The following SLC22A15 variants were observed in gnomAD, a reference collection of about 807,000 sequenced individuals.
SLC22A15 encodes the protein flipt 1.
In SLC22A15, 45 loss-of-function variants were observed where a neutral mutation model predicts 62.7. That is an observed-to-expected ratio of 0.72 (90% confidence interval 0.56 to 0.92). The LOEUF (loss-of-function observed/expected upper bound fraction) is 0.92. Among genes scored for constraint, SLC22A15 ranks in the 40% least tolerant of loss-of-function variants. The pLI, the probability that SLC22A15 is intolerant of heterozygous loss-of-function variation, is 0.00. For synonymous variants in SLC22A15, 264 were observed against 267.0 expected (o/e 0.99, Z 0.11); for missense variants, 622 against 665.6 (o/e 0.93, Z 0.72).
chr1:115,998,724 A>C (rs892425775), intron 2 of SLC22A15, among the ~76,000 whole-genome samples: 43 of 152,160 alleles, frequency 2.8e-4, no homozygotes, highest in Admixed American at 1.2e-3. Flanking sequence ...ATCTTTTCAA[A>C]AAAACAACTT....
intron 1 of SLC22A15, among the ~76,000 whole-genome samples, chr1:115,991,453 CTTA>C (rs1241432469): frequency 2.0e-5 from 3 of 152,158 alleles, no homozygotes; most frequent in Admixed American, 6.5e-5. Context: ...TTCTTAAAAT[CTTA>C]TTATGAACTG....
chr1:116,035,003 T>G (rs553872082), intron 6 of SLC22A15, among the ~76,000 whole-genome samples, 184 bp from the exon 7 acceptor site: 2 of 152,204 alleles, frequency 1.3e-5, no homozygotes, highest in Non-Finnish European at 2.9e-5. Context: ...AATTTTTTTG[T>G]TTTTTCCTAG....
intron 2 of SLC22A15, among the ~76,000 whole-genome samples, chr1:116,007,569 TTATA>T (rs958596613): frequency 2.6e-5 from 4 of 152,094 alleles, no homozygotes; most frequent in Non-Finnish European, 4.4e-5. Context: ...GAAGATAAGT[TTATA>T]TAAGGTCTGG....
At chr1:115,993,301 G>A (rs1655242301) in intron 2 of SLC22A15, among the ~76,000 whole-genome samples, 1 of 152,134 alleles carries the variant, frequency 6.6e-6, no homozygotes, top group South Asian at 2.1e-4. Context: ...GTAAATGGGT[G>A]GTACAACAGG....
At chr1:116,047,330 G>A (rs939877883) in intron 8 of SLC22A15, among the ~76,000 whole-genome samples, 1 of 152,194 alleles carries the variant, frequency 6.6e-6, no homozygotes, top group African/African-American at 2.4e-5. Flanking sequence ...GGGAGGCTGA[G>A]GCAGAAGAAT....
In SLC22A15 at chr1:116,020,785, A is replaced by G; in HGVS notation, c.498A>G (p.Ala166=). The G allele has an allele frequency of 3.1e-6, 5 of 1,613,878 alleles. No individual in the cohort carries two copies. The highest frequency in any genetic ancestry group is 4.2e-6 in the Non-Finnish European group (5 of 1,179,842). The change falls in exon 4 of 12, where the codon GCA becomes GCG. Residue 166 remains alanine, a synonymous_variant. Coordinates refer to ENST00000369503, the MANE Select transcript of SLC22A15 (RefSeq NM_018420.3). ...NGFSPSYEFF[A]VTRFLVGMMN... is the part of the protein sequence containing the mutation. Reference sequence around the variant, plus strand: ...TTTCCCCCTCATATGAGTTCTTTGCAGTAACTCGCTTCCTGGTGGGCATGA... The same window carrying G: ...TTTCCCCCTCATATGAGTTCTTTGCGGTAACTCGCTTCCTGGTGGGCATGA...
In SLC22A15 at chr1:115,994,207, A is replaced by G. The variant is rs372306992; in HGVS notation, c.300+1964A>G. Among the ~76,000 whole-genome samples the G allele has an allele frequency of 6.6e-5, 10 of 152,162 alleles. No homozygotes were observed. The East Asian group carries it at 7.7e-4, about 12-fold the overall frequency. Reference sequence around the variant, plus strand: ...CACCACCACCACCACCACTACCACCACCATTGCTACCACTCCTAACCTATG... The same window carrying G: ...CACCACCACCACCACCACTACCACCGCCATTGCTACCACTCCTAACCTATG... On this transcript the variant is annotated intron_variant, in intron 2 of 11. Coordinates refer to ENST00000369503, the MANE Select transcript of SLC22A15 (RefSeq NM_018420.3).
chr1:115,989,111 A>ATGTG lies in SLC22A15; in HGVS notation c.88-2904_88-2901dup, dbSNP rs10673173. Reference sequence around the variant, plus strand: ...CCTGTGTGTTCTGTGAGGGCCTTGGATGTGTGTGTGTGTGTGTGTTTGTGT... The same window carrying ATGTG: ...CCTGTGTGTTCTGTGAGGGCCTTGGATGTGTGTGTGTGTGTGTGTGTGTTTGTGT... On this transcript the variant is annotated intron_variant, in intron 1 of 11. Coordinates refer to ENST00000369503, the MANE Select transcript of SLC22A15 (RefSeq NM_018420.3). Among the ~76,000 whole-genome samples the ATGTG allele has an allele frequency of 9.4e-4, 141 of 149,784 alleles. 1 individual carries two copies. Among genetic ancestry groups the ATGTG allele is most frequent in the South Asian group, 6.2e-3 (29 of 4,700 alleles).
At chr1:116,010,409 CTAAT>C (rs1007555887) in intron 2 of SLC22A15, among the ~76,000 whole-genome samples, 14 of 152,042 alleles carry the variant, frequency 9.2e-5, no homozygotes, top group Non-Finnish European at 1.0e-4. Context: ...GCTTTAGGGG[CTAAT>C]TTTTTTTAAT....
At chr1:116,009,200 A>G (rs137868418) in intron 2 of SLC22A15, among the ~76,000 whole-genome samples, 1 of 152,216 alleles carries the variant, frequency 6.6e-6, no homozygotes, top group African/African-American at 2.4e-5. Context: ...GAGACCTAAC[A>G]AAGGCCTCCT....
In SLC22A15 at chr1:116,001,982, G is replaced by A. The variant is rs74111135; in HGVS notation, c.300+9739G>A. On this transcript the variant is annotated intron_variant, in intron 2 of 11. Transcript: ENST00000369503. ...TGTTTGTACTTGTCTTTCTTGAGAA[G>A]GCTTTCAAAATATTCAAAACTAATT... is the stretch of plus-strand genomic sequence containing the variant. Among the ~76,000 whole-genome samples the A allele has an allele frequency of 4.2e-3, 633 of 152,242 alleles. 9 individuals are homozygous for A. The highest frequency in any genetic ancestry group is 0.015 in the African/African-American group (607 of 41,512).
chr1:116,060,687 T>A (rs778357823), intron 8 of SLC22A15, among the ~76,000 whole-genome samples: 11 of 152,214 alleles, frequency 7.2e-5, no homozygotes, highest in Non-Finnish European at 1.3e-4. Flanking sequence ...TGGAAAATAA[T>A]TGATGAATTT....
chr1:115,987,538 C>T (rs1241214080), intron 1 of SLC22A15, among the ~76,000 whole-genome samples: 4 of 151,870 alleles, frequency 2.6e-5, no homozygotes, highest in African/African-American at 7.3e-5. Flanking sequence ...TCAAATTTTA[C>T]ACAAAAAAAA....
rs1332467245 is a variant in SLC22A15, at chr1:116,037,235, G to A, written c.1086-68G>A. On this transcript the variant is annotated intron_variant, in intron 7 of 11. Transcript: ENST00000369503. Reference sequence around the variant, plus strand: ...GAAACTGAAGATTTTTAAATAAGAAGGTTGGGAAGAAACAGATGAATTTAT... The same window carrying A: ...GAAACTGAAGATTTTTAAATAAGAAAGTTGGGAAGAAACAGATGAATTTAT... The A allele has an allele frequency of 7.4e-5, 99 of 1,329,544 alleles. No individual in the cohort carries two copies. In the East Asian group the frequency reaches 2.3e-3, roughly 30 times the overall value. The allele number at this position is 1,329,544 out of a possible 1,614,324, so 82.4% of individuals were successfully genotyped here. A position where few individuals can be genotyped will look rare whatever the true frequency, so the allele number is the denominator to read the frequency against.
At position 116,015,000 on chromosome 1, in the gene SLC22A15, C is replaced by A. The variant is rs539086273; in HGVS notation, c.301-4582C>A. On this transcript the variant is annotated intron_variant, in intron 2 of 11. Coordinates refer to ENST00000369503, the MANE Select transcript of SLC22A15 (RefSeq NM_018420.3). Reference sequence around the variant, plus strand: ...AGGGATCAATATCCTAGTGTATCTTCTCTGGGCTTTGACAAAATAAAACTC... The same window carrying A: ...AGGGATCAATATCCTAGTGTATCTTATCTGGGCTTTGACAAAATAAAACTC... 4.6e-5 allele frequency: 7 copies of A among 152,296 alleles called. No individual in the cohort carries two copies. The Middle Eastern group carries it at 0.01, about 222-fold the overall frequency. 9.4% of individuals were successfully genotyped at this position (152,296 alleles called of 1,614,324 possible). A position where few individuals can be genotyped will look rare whatever the true frequency, so the allele number is the denominator to read the frequency against.
chr1:116,035,350 G>A (rs773668355), intron 7 of SLC22A15, 23 bp downstream of exon 7: 3 of 1,605,650 alleles, frequency 1.9e-6, no homozygotes, highest in Admixed American at 3.4e-5. Context: ...GGATGAATAT[G>A]AAGTGCACCG....
At chr1:115,977,864 G>A (rs1224355332) in intron 1 of SLC22A15, among the ~76,000 whole-genome samples, 4 of 152,276 alleles carry the variant, frequency 2.6e-5, no homozygotes, top group East Asian at 3.9e-4. Flanking sequence ...TTGACTTATT[G>A]ATTAAAATGT....
chr1:116,049,440 A>G (rs1212321901), intron 8 of SLC22A15, among the ~76,000 whole-genome samples: 1 of 152,170 alleles, frequency 6.6e-6, no homozygotes, highest in Non-Finnish European at 1.5e-5. Flanking sequence ...ATCAACTCCA[A>G]AAGGAACCTT....
intron 2 of SLC22A15, among the ~76,000 whole-genome samples, chr1:116,017,902 C>A (rs555361418): frequency 6.6e-6 from 1 of 152,168 alleles, no homozygotes; most frequent in Non-Finnish European, 1.5e-5. Context: ...CATCACTAGA[C>A]AAGACTTGAG....
Sources: allele counts gnomAD v4.1 joint callset (sites outside exome capture counted in the v4.1 genomes callset), GRCh38; gene constraint gnomAD v4.1.1; transcripts MANE v1.5; gene names NCBI Gene and HGNC (gene_info 2026-07-23, HGNC 2026-07-21).